The following RAB21 variants were observed in gnomAD, a reference collection of about 807,000 sequenced individuals.
RAB21 encodes the protein ras-related protein Rab-21.
Under a neutral mutation model 33.1 loss-of-function variants are expected in RAB21, and 13 were observed. That is an observed-to-expected ratio of 0.39 (90% CI 0.26 to 0.62). The LOEUF (loss-of-function observed/expected upper bound fraction) is 0.62. Ranked by LOEUF, RAB21 falls within the 20% of genes least tolerant of loss-of-function variation. The pLI is 0.48. For missense variants in RAB21, 234 were observed against 279.1 expected (o/e 0.84, Z 1.15); for synonymous variants, 91 against 103.7 (o/e 0.88, Z 0.74).
rs1329473117 is a variant in RAB21 at position 71,794,408 on chromosome 12, T to C, written c.*8735T>C. ...ACAAAACAAAACCATATATATATTATATATATATATATATATATATTTTTT... is the reference window on the plus strand; with the variant it reads ...ACAAAACAAAACCATATATATATTACATATATATATATATATATATTTTTT... On this transcript the variant is annotated 3_prime_UTR_variant, in exon 7 of 7. Transcript: ENST00000261263. 1 of 33,218 alleles carries C rather than the reference T, an allele frequency of 3.0e-5. No homozygotes were observed. Among genetic ancestry groups the C allele is most frequent in the Non-Finnish European group, 5.0e-5 (1 of 19,904 alleles). 2.1% of individuals were successfully genotyped at this position (33,218 alleles called of 1,614,324 possible). A position where few individuals can be genotyped will look rare whatever the true frequency, so the allele number is the denominator to read the frequency against.
Position 71,770,660 on chromosome 12 carries a change from T to C in RAB21, c.288T>C (p.Ile96=). The change falls in exon 3 of 7, where the codon ATT becomes ATC. Residue 96 remains isoleucine, a synonymous_variant. Transcript: ENST00000261263. The part of the protein sequence containing the change: ...PIYYRDSNGA[I]LVYDITDEDS... ...ACTACAGAGATTCAAATGGAGCGAT[T>C]TTAGTTTATGACATAACAGATGAAG... 1 of 1,607,254 alleles carries C rather than the reference T, an allele frequency of 6.2e-7. No individual in the cohort carries two copies. Among genetic ancestry groups the C allele is most frequent in the Non-Finnish European group, 8.5e-7 (1 of 1,174,418 alleles).
chr12:71,761,692 A>G (rs1211263041), intron 1 of RAB21, among the ~76,000 whole-genome samples: 2 of 152,174 alleles, frequency 1.3e-5, no homozygotes, highest in African/African-American at 4.8e-5. Flanking sequence ...AAATAAAAAT[A>G]AAAAATAAAT....
At chr12:71,779,260 G>T (rs1024381437) in intron 4 of RAB21, among the ~76,000 whole-genome samples, 31 of 152,140 alleles carry the variant, frequency 2.0e-4, no homozygotes, top group African/African-American at 7.0e-4. Context: ...AGGAGTTTGA[G>T]ACCAGCCTAG....
At position 71,785,724 on chromosome 12, in the gene RAB21, C is replaced by T. The variant is rs780948816; in HGVS notation, c.*51C>T. The stretch of plus-strand genomic sequence containing the variant: ...ACAGAACAAAACTGTGGATCATTGC[C>T]CTCAACATGAAGACTGCCATATTCC... On this transcript the variant is annotated 3_prime_UTR_variant, in exon 7 of 7. Coordinates refer to ENST00000261263, the MANE Select transcript of RAB21 (RefSeq NM_014999.4). The T allele has an allele frequency of 2.5e-6, 4 of 1,597,300 alleles. No homozygotes were observed. In the African/African-American group the frequency reaches 4.0e-5, roughly 16 times the overall value.
At position 71,793,664 on chromosome 12, in the gene RAB21, A is replaced by G. The variant is rs886952888; in HGVS notation, c.*7991A>G. On this transcript the variant is annotated 3_prime_UTR_variant, in exon 7 of 7. Coordinates refer to ENST00000261263, the MANE Select transcript of RAB21 (RefSeq NM_014999.4). Reference sequence around the variant, plus strand: ...AGTCCTGTAAAGGAAAAGCTAGAGGATGTGAGAGGAGTAATTCATCCCCAT... The same window carrying G: ...AGTCCTGTAAAGGAAAAGCTAGAGGGTGTGAGAGGAGTAATTCATCCCCAT... 3 of 152,238 alleles carry G rather than the reference A, an allele frequency of 2.0e-5. No homozygotes were observed. The highest frequency in any genetic ancestry group is 7.2e-5 in the African/African-American group (3 of 41,464). 9.4% of individuals were successfully genotyped at this position (152,238 alleles called of 1,614,324 possible).
intron 4 of RAB21, among the ~76,000 whole-genome samples, chr12:71,777,425 G>GT (rs1176862028): frequency 3.3e-5 from 5 of 152,044 alleles, no homozygotes; most frequent in Non-Finnish European, 5.9e-5. Flanking sequence ...ATACTCCACA[G>GT]TTTATCTGTT....
At position 71,787,159 on chromosome 12, in the gene RAB21, G is replaced by T. The variant is rs913983673; in HGVS notation, c.*1486G>T. On this transcript the variant is annotated 3_prime_UTR_variant, in exon 7 of 7. Coordinates refer to ENST00000261263, the MANE Select transcript of RAB21 (RefSeq NM_014999.4). Reference sequence around the variant, plus strand: ...ACAAGAACTATCCTGAGTTTCTGTGGATGGAAACATTACATGTAATGCAGA... The same window carrying T: ...ACAAGAACTATCCTGAGTTTCTGTGTATGGAAACATTACATGTAATGCAGA... The T allele has an allele frequency of 6.6e-6, 1 of 152,130 alleles. No individual in the cohort carries two copies. Among genetic ancestry groups the T allele is most frequent in the African/African-American group, 2.4e-5 (1 of 41,430 alleles). 9.4% of individuals were successfully genotyped at this position (152,130 alleles called of 1,614,324 possible).
Position 71,755,241 on chromosome 12 carries a change from C to A in RAB21, c.112C>A (p.Arg38Ser). 1 of 1,548,010 alleles carries A rather than the reference C, an allele frequency of 6.5e-7. No individual in the cohort carries two copies. Among genetic ancestry groups the A allele is most frequent in the South Asian group, 1.2e-5 (1 of 81,872 alleles). ...GCVGKTSLVLRYCENKFNDKH... is the reference protein window; with the variant it reads ...GCVGKTSLVLSYCENKFNDKH... The stretch of plus-strand genomic sequence containing the variant: ...CGTGGGGAAGACGTCGCTGGTGCTG[C>A]GCTACTGCGAGAACAAGTTTAACGA... Residue 38 changes from arginine (R) to serine (S), a missense_variant, in exon 1 of 7, where the codon CGC becomes AGC. Arg to Ser is a moderately radical substitution (Grantham distance 110). Coordinates refer to ENST00000261263, the MANE Select transcript of RAB21 (RefSeq NM_014999.4).
chr12:71,781,191 C>T (rs926979079), intron 4 of RAB21, among the ~76,000 whole-genome samples: 10 of 152,070 alleles, frequency 6.6e-5, no homozygotes, highest in East Asian at 1.9e-4. Context: ...TTTTTCCGGC[C>T]GGGCGCGGTG....
rs1883381495 is a variant in RAB21 at position 71,791,434 on chromosome 12, AAATCT to A, written c.*5763_*5767del. On this transcript the variant is annotated 3_prime_UTR_variant, in exon 7 of 7. Coordinates refer to ENST00000261263, the MANE Select transcript of RAB21 (RefSeq NM_014999.4). Reference sequence around the variant, plus strand: ...CTGACGGTTGACTGCTTAGTGTATAAAATCTAGGAGTTAACTTTAGCAGATTCTTT... The same window carrying A: ...CTGACGGTTGACTGCTTAGTGTATAAAGGAGTTAACTTTAGCAGATTCTTT... 6.6e-6 allele frequency: 1 copy of A among 152,218 alleles called. No homozygotes were observed. The highest frequency in any genetic ancestry group is 1.5e-5 in the Non-Finnish European group (1 of 68,046). The allele number at this position is 152,218 out of a possible 1,614,324, so 9.4% of individuals were successfully genotyped here.
At chr12:71,774,129 A>T in intron 4 of RAB21, 107 bp downstream of exon 4, 1 of 647,474 alleles carries the variant, frequency 1.5e-6, no homozygotes, top group Non-Finnish European at 2.5e-6. Flanking sequence ...GAAGAATGGC[A>T]TATTAATATA....
rs1199571307 is a variant in RAB21 at position 71,797,268 on chromosome 12, T to C, written c.*11595T>C. On this transcript the variant is annotated 3_prime_UTR_variant, in exon 7 of 7. Coordinates refer to ENST00000261263, the MANE Select transcript of RAB21 (RefSeq NM_014999.4). ...TAGTGCAAAGCTTAAAAGGGTCAAC[T>C]GAAAGTCTCTTAAAACGAATACAGT... 1 of 152,154 alleles carries C rather than the reference T, an allele frequency of 6.6e-6. No individual in the cohort carries two copies. The highest frequency in any genetic ancestry group is 1.5e-5 in the Non-Finnish European group (1 of 68,028). The allele number at this position is 152,154 out of a possible 1,614,324, so 9.4% of individuals were successfully genotyped here.
chr12:71,763,876 T>C (rs959366585), intron 1 of RAB21, among the ~76,000 whole-genome samples: 4 of 152,160 alleles, frequency 2.6e-5, no homozygotes, highest in African/African-American at 7.2e-5. Flanking sequence ...GGAAAAACCA[T>C]TGTGGAGTCA....
chr12:71,770,135 C>T (rs940115142), intron 2 of RAB21, among the ~76,000 whole-genome samples: 1 of 152,082 alleles, frequency 6.6e-6, no homozygotes, highest in Non-Finnish European at 1.5e-5. Context: ...CCCTGTGTCT[C>T]CATATTCCAG....
intron 1 of RAB21, among the ~76,000 whole-genome samples, chr12:71,769,277 T>G (rs529779370): frequency 1.3e-5 from 2 of 152,358 alleles, no homozygotes; most frequent in East Asian, 3.9e-4. Flanking sequence ...CTCTTTATTT[T>G]TATTTCTCTA....
chr12:71,782,477 A>ACTC (rs1883215825), intron 5 of RAB21, 93 bp from the exon 6 acceptor site: 1 of 772,720 alleles, frequency 1.3e-6, no homozygotes, highest in African/African-American at 1.8e-5. Flanking sequence ...TGAGTAAATT[A>ACTC]ATATGTCACT....
At position 71,763,519 on chromosome 12, in the gene RAB21, TG is replaced by T. The variant is rs1882911231; in HGVS notation, c.160-6280del. ...TTTTTTAAATAGCATTTTCTTTTTTTGTCTTCCACTATGATAGCCACTGAGC... is the reference window on the plus strand; with the variant it reads ...TTTTTTAAATAGCATTTTCTTTTTTTTCTTCCACTATGATAGCCACTGAGC... On this transcript the variant is annotated intron_variant, in intron 1 of 6. Transcript: ENST00000261263. 2.6e-5 allele frequency among the ~76,000 whole-genome samples: 4 copies of T among 152,324 alleles called. 1 individual carries two copies. The South Asian group carries it at 8.3e-4, about 32-fold the overall frequency.
Position 71,754,900 on chromosome 12 carries a change from G to A in RAB21, c.-230G>A, listed in dbSNP as rs1882755109. 5.0e-6 allele frequency: 1 copy of A among 198,032 alleles called. No individual in the cohort carries two copies. The highest frequency in any genetic ancestry group is 1.8e-4 in the South Asian group (1 of 5,652). 12.3% of individuals were successfully genotyped at this position (198,032 alleles called of 1,614,324 possible). On this transcript the variant is annotated 5_prime_UTR_variant, in exon 1 of 7. Coordinates refer to ENST00000261263, the MANE Select transcript of RAB21 (RefSeq NM_014999.4). ...AGACGCCATTAGAGGGAGGCAGAGA[G>A]GGATCGTTCTTCGCTTTTCCTCCGG...
chr12:71,757,949 T>TA (rs1308918230), intron 1 of RAB21, among the ~76,000 whole-genome samples: 1 of 152,114 alleles, frequency 6.6e-6, no homozygotes, highest in Non-Finnish European at 1.5e-5. Context: ...TTTTTTTTTT[T>TA]AACATCTTGG....
Sources: gnomAD v4.1 joint callset for allele counts (sites outside exome capture counted in the v4.1 genomes callset) on GRCh38, gnomAD v4.1.1 for gene constraint, MANE v1.5 for transcripts, NCBI Gene and HGNC (gene_info 2026-07-23, HGNC 2026-07-21) for gene names.